COMMD4: variants seen among roughly 807,000 people sequenced by gnomAD.
COMMD4 encodes COMM domain-containing protein 4.
In COMMD4, 18 loss-of-function variants were observed where a neutral mutation model predicts 27.5. The ratio of observed to expected loss-of-function variants is 0.65; its 90% CI spans 0.45 to 0.97. COMMD4 has a LOEUF of 0.97. COMMD4 is among the 50% of genes least tolerant of loss of function. The pLI is 0.00. For synonymous variants in COMMD4, 108 were observed against 108.4 expected (o/e 1.00, Z 0.02); for missense variants, 243 against 250.0 (o/e 0.97, Z 0.19).
At chr15:75,336,518 C>A in intron 1 of COMMD4, 2 of 368,908 alleles carry the variant, frequency 5.4e-6, no homozygotes. Flanking sequence ...TTAGGAAGCC[C>A]CTCCGCTCTT....
At chr15:75,336,441 C>T (rs1397714667) in intron 1 of COMMD4, 3 of 598,920 alleles carry the variant, frequency 5.0e-6, no homozygotes, top group Non-Finnish European at 8.4e-6. Context: ...AGGATACCCC[C>T]TTCCCCAGCC....
Position 75,340,142 on chromosome 15 carries a change from C to A in COMMD4, c.*137C>A. The A allele has an allele frequency of 1.0e-6, 1 of 970,178 alleles. No homozygotes were observed. 60.1% of individuals were successfully genotyped at this position (970,178 alleles called of 1,614,324 possible). A position where few individuals can be genotyped will look rare whatever the true frequency, so the allele number is the denominator to read the frequency against. ...GGACTCTGGCCTCCCAGATCCCCAG[C>A]TGCCTCACTTCTCTCTTGAGAACTT... On this transcript the variant is annotated 3_prime_UTR_variant, in exon 8 of 8. Coordinates refer to ENST00000267935, the MANE Select transcript of COMMD4 (RefSeq NM_017828.5).
intron 1 of COMMD4, 127 bp from the exon 2 acceptor site, chr15:75,337,935 G>A (rs1156813843): frequency 8.6e-6 from 8 of 930,544 alleles, no homozygotes; most frequent in Middle Eastern, 2.2e-4. Context: ...GAGAACAAGA[G>A]GCCAGAGGGT....
chr15:75,337,898 A>T, intron 1 of COMMD4, 164 bp from the exon 2 acceptor site: 2 of 685,350 alleles, frequency 2.9e-6, no homozygotes, highest in Non-Finnish European at 5.0e-6. Context: ...TCAGGGAGAG[A>T]GTTTACTCAA....
In COMMD4 at chr15:75,336,069, GGGCCCT is replaced by G. The variant is rs1232678149; in HGVS notation, c.-17_-12del. ...TGCGGGACCGGAAAAAGAAATTCCCGGGCCCTGGCTTCTTGGCGCGATGGTGAGGCA... is the reference window on the plus strand; with the variant it reads ...TGCGGGACCGGAAAAAGAAATTCCCGGGCTTCTTGGCGCGATGGTGAGGCA... On this transcript the variant is annotated 5_prime_UTR_variant, in exon 1 of 8. Transcript: ENST00000267935. 3 of 1,549,666 alleles carry G rather than the reference GGGCCCT, an allele frequency of 1.9e-6. No individual in the cohort carries two copies. Among genetic ancestry groups the G allele is most frequent in the Non-Finnish European group, 2.6e-6 (3 of 1,146,802 alleles).
At chr15:75,338,019 C>T (rs1477284019) in intron 1 of COMMD4, 43 bp from the exon 2 acceptor site, 4 of 1,570,612 alleles carry the variant, frequency 2.5e-6, no homozygotes, top group Non-Finnish European at 3.5e-6. Context: ...GGCCACACCT[C>T]AGGCCTCCCT....
rs117264384 is a variant in COMMD4 at position 75,338,765 on chromosome 15, C to G, written c.181+80C>G. ...TGCCTGGTACAGAGGGGCCCCCCAC[C>G]CCTCCCAGCAGCATCCTTAACTTAC... On this transcript the variant is annotated intron_variant, in intron 4 of 7. Transcript: ENST00000267935. 3.7e-4 allele frequency: 560 copies of G among 1,506,494 alleles called. 1 individual carries two copies. The East Asian group carries it at 0.012, about 32-fold the overall frequency. 93.3% of individuals were successfully genotyped at this position (1,506,494 alleles called of 1,614,324 possible). A position where few individuals can be genotyped will look rare whatever the true frequency, so the allele number is the denominator to read the frequency against.
rs138608656 is a variant in COMMD4, at chr15:75,337,730, T to A, written c.4-332T>A. On this transcript the variant is annotated intron_variant, in intron 1 of 7. Transcript: ENST00000267935. ...TGGGTATGGGGAAGAGGGGAGAGAG[T>A]TCACTCGTCTCTGTGAGGCCCAGGA... 9.0e-3 allele frequency: 2,784 copies of A among 308,022 alleles called. 83 individuals are homozygous for A. In the East Asian group the frequency reaches 0.099, roughly 11 times the overall value. 19.1% of individuals were successfully genotyped at this position (308,022 alleles called of 1,614,324 possible).
chr15:75,337,704 G>A (rs2071260183), intron 1 of COMMD4: 1 of 272,878 alleles, frequency 3.7e-6, no homozygotes, highest in Admixed American at 4.8e-5. Flanking sequence ...CTGGAGTTGT[G>A]TGGGTATGGG....
intron 3 of COMMD4, 77 bp downstream of exon 3, chr15:75,338,497 G>T: frequency 1.3e-6 from 2 of 1,588,638 alleles, no homozygotes; most frequent in Non-Finnish European, 1.7e-6. Context: ...ACTAGGCCCA[G>T]GGAGACGGGT....
chr15:75,336,272 CG>C, intron 1 of COMMD4, 180 bp downstream of exon 1: 2 of 1,494,780 alleles, frequency 1.3e-6, no homozygotes, highest in Non-Finnish European at 1.8e-6. Context: ...GAGACGGGGG[CG>C]GGGGTACGGG....
At chr15:75,336,443 T>G in intron 1 of COMMD4, 1 of 585,100 alleles carries the variant, frequency 1.7e-6, no homozygotes, top group South Asian at 2.6e-5. Context: ...GATACCCCCT[T>G]CCCCAGCCCT....
chr15:75,336,127 C>G, intron 1 of COMMD4, 35 bp downstream of exon 1: 2 of 1,549,760 alleles, frequency 1.3e-6, no homozygotes, highest in Non-Finnish European at 1.7e-6. Context: ...GCTTGGGCTG[C>G]TGGAGCGGGA....
At position 75,339,284 on chromosome 15, in the gene COMMD4, C is replaced by T. The variant is rs377428086; in HGVS notation, c.322C>T (p.Arg108Cys). 1.4e-4 allele frequency: 221 copies of T among 1,611,696 alleles called. No individual in the cohort carries two copies. The highest frequency in any genetic ancestry group is 5.4e-4 in the East Asian group (24 of 44,506). The part of the protein sequence containing the change: ...LPKEHAASLC[R>C]CYEEKQSPLQ... ...CCCAGAGCACGCGGCCAGCCTGTGC[C>T]GCTGTTATGAGGAGAAGCAAAGCCC... Residue 108 changes from arginine (R) to cysteine (C), a missense_variant, in exon 6 of 8, where the codon CGC becomes TGC. Transcript: ENST00000267935.
intron 6 of COMMD4, 98 bp from the exon 7 acceptor site, chr15:75,339,604 A>G: frequency 7.4e-7 from 1 of 1,360,504 alleles, no homozygotes; most frequent in Non-Finnish European, 1.0e-6. Context: ...CTTAGAGGCC[A>G]CATAGCCTTG....
At chr15:75,337,641 G>A (rs1463526399) in intron 1 of COMMD4, 1 of 205,278 alleles carries the variant, frequency 4.9e-6, no homozygotes, top group Non-Finnish European at 9.8e-6. Flanking sequence ...CAGCAGGCAT[G>A]GAGGCGGGAG....
downstream of COMMD4, chr15:75,342,023 A>G (rs2071432257): frequency 7.2e-6 from 1 of 139,040 alleles, no homozygotes; most frequent in Non-Finnish European, 1.5e-5. Context: ...AGCTGTGATC[A>G]TACCTCTGCA....
chr15:75,338,425 G>A lies in COMMD4; in HGVS notation c.141+5G>A, dbSNP rs1262243276. On this transcript the variant is annotated splice_donor_5th_base_variant and intron_variant, in intron 3 of 7. Transcript: ENST00000267935. ...CTGCTGGGACAGGGGATTGATGTGA[G>A]TACAAGATCCAGCACCCCATTGTCC... The A allele has an allele frequency of 6.2e-7, 1 of 1,605,090 alleles. No homozygotes were observed. The highest frequency in any genetic ancestry group is 8.5e-7 in the Non-Finnish European group (1 of 1,176,404).
chr15:75,336,434 A>C (rs1306591923), intron 1 of COMMD4: 3 of 627,906 alleles, frequency 4.8e-6, no homozygotes, highest in Admixed American at 6.9e-5. Flanking sequence ...CCTCCCAAGG[A>C]TACCCCCTTC....
Sources: gnomAD v4.1 joint callset for allele counts on GRCh38, gnomAD v4.1.1 for gene constraint, MANE v1.5 for transcripts, NCBI Gene and HGNC (gene_info 2026-07-23, HGNC 2026-07-21) for gene names.